Variants in UTRN observed in about 807,000 individuals in gnomAD.
The protein encoded by UTRN is utrophin, also known as dystrophin-related protein 1.
UTRN carries 283 observed loss-of-function variants against 463.9 expected under a neutral mutation model. The observed-to-expected ratio is 0.61, with a 90% CI of 0.55 to 0.67. The LOEUF is 0.67. UTRN is among the 30% of genes least tolerant of loss of function. The pLI, the probability that UTRN is intolerant of heterozygous loss-of-function variation, is 0.00. For synonymous variants in UTRN, 1,442 were observed against 1,431.5 expected, an observed-to-expected ratio of 1.01 and a Z score of -0.17; for missense variants, 3,922 against 4,084.3, an observed-to-expected ratio of 0.96 and a Z score of 1.08.
chr6:144,403,397 C>A (rs1008178479), intron 3 of UTRN, among the ~76,000 whole-genome samples: 1 of 152,124 alleles, frequency 6.6e-6, no homozygotes, highest in Non-Finnish European at 1.5e-5. Context: ...TTGACTTTTA[C>A]CTGGCCTTCT....
intron 3 of UTRN, among the ~76,000 whole-genome samples, chr6:144,408,845 A>G (rs1783639776): frequency 6.6e-6 from 1 of 152,136 alleles, no homozygotes; most frequent in Non-Finnish European, 1.5e-5. Flanking sequence ...AGGAGCCCAA[A>G]CCCTTTTCCA....
chr6:144,803,296 GAATT>G (rs1173472612), intron 65 of UTRN, 149 bp downstream of exon 65: 1 of 427,754 alleles, frequency 2.3e-6, no homozygotes, highest in Non-Finnish European at 3.9e-6. Flanking sequence ...CATTTATGTT[GAATT>G]AATTAGTGCA....
intron 22 of UTRN, 123 bp from the exon 23 acceptor site, chr6:144,462,531 T>G: frequency 1.1e-6 from 1 of 902,718 alleles, no homozygotes; most frequent in South Asian, 1.7e-5. Context: ...CCCACTGTTC[T>G]TTTTAGATAA....
intron 54 of UTRN, among the ~76,000 whole-genome samples, chr6:144,740,813 G>T (rs1299949017): frequency 2.6e-5 from 4 of 152,132 alleles, no homozygotes; most frequent in African/African-American, 9.7e-5. Flanking sequence ...TAGTCTTCAT[G>T]AAGAATTATA....
In UTRN at chr6:144,781,942, A is replaced by G. The variant is rs151050283; in HGVS notation, c.8653A>G (p.Thr2885Ala). Residue 2885 changes from threonine to alanine, a missense_variant, in exon 61 of 75, where the codon ACA (threonine) becomes GCA (alanine). Physicochemically the swap from Thr to Ala is moderately conservative, Grantham distance 58. This residue lies in a region of UTRN where 1,309 missense variants were observed against 1,452.6 expected (regional missense o/e 0.90). Coordinates refer to ENST00000367545, the MANE Select transcript of UTRN (RefSeq NM_007124.3). ...GTTAGTGGATCTCTTAGAGTTGAGT[A>G]CAACAAATGAAATTTTCAAACAGCA... ...ALCLDLLELS[T>A]TNEIFKQHKL... 16 of 1,613,844 alleles carry G rather than the reference A, an allele frequency of 9.9e-6. No individual in the cohort carries two copies. Among genetic ancestry groups the G allele is most frequent in the Admixed American group, 1.7e-5 (1 of 59,992 alleles).
intron 51 of UTRN, among the ~76,000 whole-genome samples, chr6:144,622,698 A>C (rs1377228228): frequency 6.6e-6 from 1 of 152,238 alleles, no homozygotes. Context: ...ATCCAAGGGG[A>C]AATAAAGCAT....
chr6:144,817,922 T>C (rs1471759192), intron 65 of UTRN, among the ~76,000 whole-genome samples: 1 of 152,184 alleles, frequency 6.6e-6, no homozygotes, highest in Admixed American at 6.5e-5. Flanking sequence ...TTTCAATAAC[T>C]ACTATAACTT....
intron 41 of UTRN, 36 bp from the exon 42 acceptor site, chr6:144,531,016 T>G (rs1797008813): frequency 6.3e-7 from 1 of 1,589,702 alleles, no homozygotes; most frequent in African/African-American, 1.3e-5. Flanking sequence ...CCTGGAAAAT[T>G]TGGAAACCTA....
chr6:144,364,876 A>G (rs1779378107), intron 2 of UTRN, among the ~76,000 whole-genome samples: 1 of 152,108 alleles, frequency 6.6e-6, no homozygotes, highest in Non-Finnish European at 1.5e-5. Flanking sequence ...AGTCCTTCTC[A>G]TGTGGCTCGT....
At chr6:144,407,920 G>T (rs1783556534) in intron 3 of UTRN, among the ~76,000 whole-genome samples, 2 of 152,100 alleles carry the variant, frequency 1.3e-5, no homozygotes, top group African/African-American at 4.8e-5. Context: ...TCTAAAAAAA[G>T]CTAAAAATTA....
At chr6:144,730,900 A>C (rs1423569028) in intron 54 of UTRN, among the ~76,000 whole-genome samples, 2 of 151,388 alleles carry the variant, frequency 1.3e-5, no homozygotes, top group Non-Finnish European at 3.0e-5. Context: ...TGATAATGAC[A>C]CACCAAAGTC....
At chr6:144,847,705 G>C (rs1782142404) in intron 74 of UTRN, among the ~76,000 whole-genome samples, 1 of 152,152 alleles carries the variant, frequency 6.6e-6, no homozygotes, top group Admixed American at 6.5e-5. Context: ...TTAGGGTAAA[G>C]ATTTGGGGAC....
At chr6:144,361,671 C>G (rs892147834) in intron 2 of UTRN, among the ~76,000 whole-genome samples, 1 of 152,128 alleles carries the variant, frequency 6.6e-6, no homozygotes, top group Non-Finnish European at 1.5e-5. Context: ...CTCATGCAGC[C>G]TCAACCTTCT....
Position 144,836,515 on chromosome 6 carries a change from C to T in UTRN, c.10039C>T (p.His3347Tyr). The T allele has an allele frequency of 1.2e-6, 2 of 1,613,816 alleles. No individual in the cohort carries two copies. The highest frequency in any genetic ancestry group is 1.7e-6 in the Non-Finnish European group (2 of 1,179,958). Residue 3347 changes from histidine (H) to tyrosine (Y), a missense_variant, in exon 71 of 75, where the codon CAC becomes TAC. By Grantham distance (83) the His-to-Tyr change is moderately conservative. Transcript: ENST00000367545. ...DHNKQLESQLHRLRQLLEQPE... is the reference protein window; with the variant it reads ...DHNKQLESQLYRLRQLLEQPE... ...CAATAAACAGCTGGAGTCTCAGCTC[C>T]ACCGCCTCCGACAGCTGCTGGAGCA...
intron 51 of UTRN, chr6:144,583,439 C>T (rs1194313002): frequency 9.0e-6 from 6 of 663,960 alleles, no homozygotes; most frequent in Middle Eastern, 2.4e-4. Flanking sequence ...AGGAAATGAT[C>T]GTTGCTCTTC....
intron 2 of UTRN, among the ~76,000 whole-genome samples, chr6:144,354,623 C>T (rs1336907269): frequency 6.6e-6 from 1 of 152,196 alleles, no homozygotes; most frequent in African/African-American, 2.4e-5. Flanking sequence ...GAGCAGTTCT[C>T]TGCTGGATGC....
rs1451726198 is a variant in UTRN at position 144,851,291 on chromosome 6, T to G, written c.*294T>G. 4.5e-6 allele frequency: 2 copies of G among 442,848 alleles called. No homozygotes were observed. The highest frequency in any genetic ancestry group is 3.9e-5 in the African/African-American group (2 of 50,750). The allele number at this position is 442,848 out of a possible 1,614,324, so 27.4% of individuals were successfully genotyped here. On this transcript the variant is annotated 3_prime_UTR_variant, in exon 75 of 75. Transcript: ENST00000367545. ...ATACATTTGTCACGGATTTGTATAATGTATACAGCATTGGGAAAGTGGGTG... is the reference window on the plus strand; with the variant it reads ...ATACATTTGTCACGGATTTGTATAAGGTATACAGCATTGGGAAAGTGGGTG...
At chr6:144,656,476 A>T (rs929302540) in intron 51 of UTRN, among the ~76,000 whole-genome samples, 4 of 152,192 alleles carry the variant, frequency 2.6e-5, no homozygotes, top group African/African-American at 9.7e-5. Flanking sequence ...CAGTGGCACG[A>T]TCTCGGCTCA....
rs79165904 is a variant in UTRN, at chr6:144,784,691, A to G, written c.8834+2568A>G. The stretch of plus-strand genomic sequence containing the variant: ...TAGTGCCACTTGGTTGGGAGGAAGC[A>G]GTGTGTGAAATGCCGTGATTCATAT... On this transcript the variant is annotated intron_variant, in intron 61 of 74. Coordinates refer to ENST00000367545, the MANE Select transcript of UTRN (RefSeq NM_007124.3). Among the ~76,000 whole-genome samples, 598 of 152,330 alleles carry G rather than the reference A, an allele frequency of 3.9e-3. 3 individuals are homozygous for G. Among genetic ancestry groups the G allele is most frequent in the Non-Finnish European group, 6.9e-3 (468 of 68,036 alleles).
Sources: allele counts gnomAD v4.1 joint callset (sites outside exome capture counted in the v4.1 genomes callset), GRCh38; gene constraint gnomAD v4.1.1; regional missense constraint gnomAD v4.1.1; transcripts MANE v1.5; gene names NCBI Gene and HGNC (gene_info 2026-07-23, HGNC 2026-07-21).